Variants in MEGF9 observed in about 807,000 individuals in gnomAD.
MEGF9 encodes the protein multiple epidermal growth factor-like domains protein 9.
In MEGF9, 6 loss-of-function variants were observed where a neutral mutation model predicts 46.8. That is an observed-to-expected ratio of 0.13 (90% CI 0.07 to 0.25). MEGF9 has a LOEUF of 0.25. Ranked by LOEUF, MEGF9 falls within the 10% of genes least tolerant of loss-of-function variation. The probability of loss-of-function intolerance (pLI) is 1.00; values close to 1 mark genes in which losing one functional copy is unlikely to be tolerated. For synonymous variants in MEGF9, 302 were observed against 330.7 expected (o/e 0.91, Z 0.94); for missense variants, 683 against 792.4 (o/e 0.86, Z 1.66).
intron 4 of MEGF9, among the ~76,000 whole-genome samples, chr9:120,611,292 T>C (rs904924402): frequency 6.6e-6 from 1 of 152,166 alleles, no homozygotes; most frequent in Non-Finnish European, 1.5e-5. Context: ...AAAACATGTA[T>C]ACAAATGTTC....
intron 1 of MEGF9, among the ~76,000 whole-genome samples, chr9:120,667,303 C>T (rs1266748752): frequency 6.6e-6 from 1 of 152,160 alleles, no homozygotes; most frequent in East Asian, 1.9e-4. Flanking sequence ...AGTTGTGGAA[C>T]ATTTTAGTAT....
intron 2 of MEGF9, among the ~76,000 whole-genome samples, chr9:120,652,171 C>A (rs1212816315): frequency 4.4e-4 from 16 of 36,428 alleles, no homozygotes; most frequent in African/African-American, 1.4e-3. Context: ...CACACACACA[C>A]ACACACACAC....
At chr9:120,657,618 T>G (rs1336506842) in intron 2 of MEGF9, among the ~76,000 whole-genome samples, 1 of 152,218 alleles carries the variant, frequency 6.6e-6, no homozygotes, top group African/African-American at 2.4e-5. Flanking sequence ...TAACAATGGC[T>G]TATCTTTTAA....
At position 120,640,582 on chromosome 9, in the gene MEGF9, A is replaced by T. The variant is rs765666653; in HGVS notation, c.804-17827T>A. 7.2e-5 allele frequency among the ~76,000 whole-genome samples: 11 copies of T among 152,236 alleles called. No individual in the cohort carries two copies. The East Asian group carries it at 2.1e-3, about 29-fold the overall frequency. On this transcript the variant is annotated intron_variant, in intron 2 of 5. Transcript: ENST00000373930. ...TGCAAACTTTGTTTAATGATTGCATAATCTGGCTCCAAAGTCTATGTGTGC... is the reference window on the plus strand; with the variant it reads ...TGCAAACTTTGTTTAATGATTGCATTATCTGGCTCCAAAGTCTATGTGTGC...
At chr9:120,627,952 A>C (rs2043532703) in intron 2 of MEGF9, among the ~76,000 whole-genome samples, 1 of 152,244 alleles carries the variant, frequency 6.6e-6, no homozygotes, top group South Asian at 2.1e-4. Flanking sequence ...CTTAAAAATA[A>C]CATTTTAAGC....
At chr9:120,691,148 T>G (rs1243573024) in intron 1 of MEGF9, among the ~76,000 whole-genome samples, 3 of 152,112 alleles carry the variant, frequency 2.0e-5, no homozygotes, top group African/African-American at 4.8e-5. Flanking sequence ...TACTAGGTAT[T>G]TAACAATGCC....
At position 120,605,005 on chromosome 9, in the gene MEGF9, G is replaced by A. The variant is rs1339286169; in HGVS notation, c.*185C>T. Reference sequence around the variant, plus strand: ...AGTCCTAATGACAGTGAACGCTTCAGATCTTCATGGGAAAACTAAGAGCAA... The same window carrying A: ...AGTCCTAATGACAGTGAACGCTTCAAATCTTCATGGGAAAACTAAGAGCAA... On this transcript the variant is annotated 3_prime_UTR_variant, in exon 6 of 6. Transcript: ENST00000373930. This position sits in a 1 kb window ranked among gnomAD's most constrained non-coding sequence, Gnocchi z 4.0. 5 of 621,048 alleles carry A rather than the reference G, an allele frequency of 8.1e-6. No homozygotes were observed. The highest frequency in any genetic ancestry group is 1.4e-5 in the Non-Finnish European group (5 of 359,526). 38.5% of individuals were successfully genotyped at this position (621,048 alleles called of 1,614,324 possible).
intron 1 of MEGF9, among the ~76,000 whole-genome samples, chr9:120,685,322 C>T (rs554225333): frequency 3.3e-5 from 5 of 152,194 alleles, no homozygotes; most frequent in Non-Finnish European, 5.9e-5. Flanking sequence ...AAAACACAAC[C>T]GTCGAACTTC....
intron 2 of MEGF9, among the ~76,000 whole-genome samples, chr9:120,656,415 C>T (rs1242725725): frequency 4.6e-5 from 7 of 151,836 alleles, no homozygotes; most frequent in South Asian, 2.1e-4. Flanking sequence ...GGCGTGGTGG[C>T]GGGTGCCTGT....
intron 1 of MEGF9, among the ~76,000 whole-genome samples, chr9:120,683,390 T>A (rs1046289009): frequency 2.6e-5 from 4 of 152,212 alleles, no homozygotes; most frequent in African/African-American, 9.6e-5. Context: ...CTCCATGTGT[T>A]GAGGGAGGGA....
rs1280597229 is a variant in MEGF9 at position 120,714,255 on chromosome 9, G to A, written c.104C>T (p.Ala35Val). Residue 35 changes from alanine to valine, a missense_variant, in exon 1 of 6, where the codon GCC (alanine) becomes GTC (valine). Coordinates refer to ENST00000373930, the MANE Select transcript of MEGF9 (RefSeq NM_001080497.3). Reference sequence around the variant, plus strand: ...ACCGGTGACATTCCCCGCCGAGGCGGCTGAGGCGACGGCGGCGGCGGCGGC... The same window carrying A: ...ACCGGTGACATTCCCCGCCGAGGCGACTGAGGCGACGGCGGCGGCGGCGGC... ...AAAAAAAVAS[A>V]ASAGNVTGGG... 4 of 1,213,102 alleles carry A rather than the reference G, an allele frequency of 3.3e-6. No individual in the cohort carries two copies. In the African/African-American group the frequency reaches 7.4e-5, roughly 23 times the overall value. 75.1% of individuals were successfully genotyped at this position (1,213,102 alleles called of 1,614,324 possible).
intron 1 of MEGF9, among the ~76,000 whole-genome samples, chr9:120,690,544 A>C (rs1351403625): frequency 6.6e-6 from 1 of 152,132 alleles, no homozygotes; most frequent in Non-Finnish European, 1.5e-5. Flanking sequence ...CTTTTTATTT[A>C]TTTCATTCAA....
At chr9:120,652,166 ACACACAC>A (rs1564420771) in intron 2 of MEGF9, among the ~76,000 whole-genome samples, 4 of 41,092 alleles carry the variant, frequency 9.7e-5, no homozygotes, top group African/African-American at 2.4e-4. Flanking sequence ...ACACACACAC[ACACACAC>A]ACACACACAA....
chr9:120,616,081 T>G (rs1486780999), intron 3 of MEGF9, among the ~76,000 whole-genome samples: 4 of 152,092 alleles, frequency 2.6e-5, no homozygotes, highest in Non-Finnish European at 5.9e-5. Context: ...CAATAGCCCT[T>G]TCAGAGTTTT....
chr9:120,640,537 T>C (rs2043597499), intron 2 of MEGF9, among the ~76,000 whole-genome samples: 1 of 152,080 alleles, frequency 6.6e-6, no homozygotes, highest in African/African-American at 2.4e-5. Flanking sequence ...CCTAGCACAG[T>C]GCCTGGCATG....
intron 2 of MEGF9, among the ~76,000 whole-genome samples, chr9:120,656,536 GA>G (rs2043677750): frequency 9.0e-6 from 1 of 110,924 alleles, no homozygotes. Flanking sequence ...GACAGAGCGA[GA>G]CTCCGTCTCA....
chr9:120,630,324 A>C (rs1407076633), intron 2 of MEGF9, among the ~76,000 whole-genome samples: 1 of 152,226 alleles, frequency 6.6e-6, no homozygotes, highest in Non-Finnish European at 1.5e-5. Context: ...CTTCAAGTTC[A>C]TCCATTGTGC....
At chr9:120,652,335 G>C (rs1252780126) in intron 2 of MEGF9, among the ~76,000 whole-genome samples, 1 of 151,246 alleles carries the variant, frequency 6.6e-6, no homozygotes, top group Non-Finnish European at 1.5e-5. Context: ...AAAATAGGCA[G>C]GCGTGGTGGT....
intron 1 of MEGF9, among the ~76,000 whole-genome samples, chr9:120,676,630 A>T (rs980685383): frequency 2.6e-5 from 4 of 152,212 alleles, no homozygotes; most frequent in Non-Finnish European, 5.9e-5. Flanking sequence ...CTTCCATTAA[A>T]GGTCATATCT....
Sources: allele counts gnomAD v4.1 joint callset (sites outside exome capture counted in the v4.1 genomes callset), GRCh38; gene constraint gnomAD v4.1.1; non-coding constraint Gnocchi (gnomAD v3.1); transcripts MANE v1.5; gene names NCBI Gene and HGNC (gene_info 2026-07-23, HGNC 2026-07-21).